Variants in RAB1A observed in about 807,000 individuals in gnomAD.
RAB1A encodes the protein ras-related protein Rab-1A.
In RAB1A, 2 loss-of-function variants were observed where a neutral mutation model predicts 26.0. The observed-to-expected ratio is 0.08, with a 90% CI of 0.03 to 0.24. RAB1A has a LOEUF of 0.24. Among genes scored for constraint, RAB1A ranks in the 10% least tolerant of loss-of-function variants. RAB1A has a pLI of 1.00. For missense variants in RAB1A, 100 were observed against 247.0 expected, an observed-to-expected ratio of 0.40 and a Z score of 3.99; for synonymous variants, 84 against 84.9, an observed-to-expected ratio of 0.99 and a Z score of 0.06.
rs189015607 is a variant in RAB1A at position 65,098,908 on chromosome 2, T to A, written c.97-842A>T. 5.1e-3 allele frequency among the ~76,000 whole-genome samples: 765 copies of A among 148,636 alleles called. 9 individuals carry two copies. The highest frequency in any genetic ancestry group is 0.018 in the African/African-American group (718 of 40,320). On this transcript the variant is annotated intron_variant, in intron 2 of 5. Coordinates refer to ENST00000409784, the MANE Select transcript of RAB1A (RefSeq NM_004161.5). ...TGGAGTGCAGTGTCATGATCTCAGC[T>A]CACTGCAACCTCTGTCTCCCGGGGT...
chr2:65,106,993 T>G (rs1669577886), intron 1 of RAB1A, among the ~76,000 whole-genome samples: 2 of 152,176 alleles, frequency 1.3e-5, no homozygotes, highest in African/African-American at 4.8e-5. Context: ...TCTCAAGTGA[T>G]CCACCCGCCT....
chr2:65,091,118 A>C (rs1454697394), intron 3 of RAB1A, 40 bp from the exon 4 acceptor site: 1 of 1,522,268 alleles, frequency 6.6e-7, no homozygotes, highest in Non-Finnish European at 9.1e-7. Context: ...AATTCCATTA[A>C]AATAAAGTTG....
At chr2:65,109,737 A>T (rs1366014144) in intron 1 of RAB1A, among the ~76,000 whole-genome samples, 1 of 152,058 alleles carries the variant, frequency 6.6e-6, no homozygotes, top group Admixed American at 6.6e-5. Context: ...AAGGAAAAAA[A>T]AGAAACCTAT....
At chr2:65,122,974 CA>C (rs751246247) in intron 1 of RAB1A, among the ~76,000 whole-genome samples, 1,983 of 34,620 alleles carry the variant, frequency 0.057, 10 homozygotes, top group African/African-American at 0.13. Context: ...CCGTCTCAGA[CA>C]AAAAAAAAAA....
chr2:65,111,277 A>G (rs1301714210), intron 1 of RAB1A, among the ~76,000 whole-genome samples: 1 of 151,832 alleles, frequency 6.6e-6, no homozygotes, highest in Non-Finnish European at 1.5e-5. Flanking sequence ...CAGGACAGTC[A>G]CTTGAACCCC....
intron 3 of RAB1A, among the ~76,000 whole-genome samples, chr2:65,096,476 G>A (rs910976425): frequency 6.6e-6 from 1 of 152,186 alleles, no homozygotes; most frequent in South Asian, 2.1e-4. Flanking sequence ...TTTCACACAC[G>A]AATACACACC....
At chr2:65,097,141 A>G (rs1669307817) in intron 3 of RAB1A, among the ~76,000 whole-genome samples, 1 of 152,206 alleles carries the variant, frequency 6.6e-6, no homozygotes, top group Non-Finnish European at 1.5e-5. Flanking sequence ...GTTCCATGAA[A>G]AGGGGCAGTC....
intron 1 of RAB1A, chr2:65,106,316 T>C (rs901592428): frequency 6.4e-5 from 18 of 280,816 alleles, no homozygotes; most frequent in Admixed American, 4.3e-4. Context: ...CCTTTTTGAT[T>C]TACTTTCAAA....
chr2:65,127,461 GT>G (rs61056393), intron 1 of RAB1A, among the ~76,000 whole-genome samples: 7,099 of 152,288 alleles, frequency 0.047, 536 homozygotes, highest in African/African-American at 0.16. Context: ...GCCGGGCGCG[GT>G]GGCTCACGCC....
chr2:65,124,026 C>T lies in RAB1A; in HGVS notation c.23+5867G>A, dbSNP rs148694501. Among the ~76,000 whole-genome samples, 293 of 152,212 alleles carry T rather than the reference C, an allele frequency of 1.9e-3. 2 individuals are homozygous for T. The highest frequency in any genetic ancestry group is 6.8e-3 in the African/African-American group (281 of 41,524). On this transcript the variant is annotated intron_variant, in intron 1 of 5. Coordinates refer to ENST00000409784, the MANE Select transcript of RAB1A (RefSeq NM_004161.5). ...TTTTTGAGACAGAATCTCACTCTGTCACCCAGGCTGGAGTGCAGTGGCCAA... is the reference window on the plus strand; with the variant it reads ...TTTTTGAGACAGAATCTCACTCTGTTACCCAGGCTGGAGTGCAGTGGCCAA...
Position 65,088,557 on chromosome 2 carries a change from G to A in RAB1A, c.554C>T (p.Ala185Val), listed in dbSNP as rs200968796. ...RMGPGATAGG[A>V]EKSNVKIQST... is the part of the protein sequence containing the mutation. ...CTGAATTTTAACATTGGACTTCTCA[G>A]CACCACCAGCTGTTGCTCCGGGACC... The change falls in exon 6 of 6, where the codon GCT becomes GTT. Residue 185 changes from alanine to valine, a missense_variant. Transcript: ENST00000409784. 1.8e-4 allele frequency: 292 copies of A among 1,613,520 alleles called. No homozygotes were observed. The highest frequency in any genetic ancestry group is 2.2e-4 in the Non-Finnish European group (255 of 1,179,800).
At chr2:65,120,408 A>T (rs990450977) in intron 1 of RAB1A, among the ~76,000 whole-genome samples, 1 of 148,296 alleles carries the variant, frequency 6.7e-6, no homozygotes, top group Non-Finnish European at 1.5e-5. Context: ...GTGAGCCAAG[A>T]TCACACCACT....
chr2:65,120,913 G>A (rs1011940012), intron 1 of RAB1A, among the ~76,000 whole-genome samples: 2 of 152,110 alleles, frequency 1.3e-5, no homozygotes, highest in Non-Finnish European at 2.9e-5. Flanking sequence ...GAGTTTCACT[G>A]TTGAAGATCA....
intron 2 of RAB1A, among the ~76,000 whole-genome samples, chr2:65,098,942 T>C (rs1669355631): frequency 6.9e-6 from 1 of 144,576 alleles, no homozygotes; most frequent in South Asian, 2.3e-4. Flanking sequence ...GTCCAAGCAA[T>C]CCTCATGACT....
rs138816103 is a variant in RAB1A at position 65,104,146 on chromosome 2, A to G, written c.96+588T>C. Among the ~76,000 whole-genome samples, 719 of 152,346 alleles carry G rather than the reference A, an allele frequency of 4.7e-3. 2 individuals are homozygous for G. Among genetic ancestry groups the G allele is most frequent in the Non-Finnish European group, 7.1e-3 (481 of 68,040 alleles). ...GGACACTGTGGATTCTGTTAAGTCA[A>G]AAGTCCTTTATCTGTCAGCTTCAGC... On this transcript the variant is annotated intron_variant, in intron 2 of 5. Coordinates refer to ENST00000409784, the MANE Select transcript of RAB1A (RefSeq NM_004161.5).
At chr2:65,110,468 A>T (rs1230148704) in intron 1 of RAB1A, among the ~76,000 whole-genome samples, 1 of 151,600 alleles carries the variant, frequency 6.6e-6, no homozygotes, top group African/African-American at 2.4e-5. Flanking sequence ...GCCAAGCCAG[A>T]ACAATTTGAG....
At chr2:65,094,927 A>C (rs1272747964) in intron 3 of RAB1A, among the ~76,000 whole-genome samples, 1 of 152,236 alleles carries the variant, frequency 6.6e-6, no homozygotes, top group Admixed American at 6.5e-5. Context: ...GATCAATCTG[A>C]AGGGCAGGCT....
chr2:65,114,865 A>C (rs2080344), intron 1 of RAB1A, among the ~76,000 whole-genome samples: 3,058 of 14,378 alleles, frequency 0.21, 99 homozygotes, highest in East Asian at 0.5. Context: ...AAAAAAAAAC[A>C]AAAAAAAAAC....
intron 1 of RAB1A, among the ~76,000 whole-genome samples, chr2:65,119,022 C>T (rs1379724432): frequency 6.6e-6 from 1 of 151,374 alleles, no homozygotes; most frequent in Non-Finnish European, 1.5e-5. Flanking sequence ...AACCCAGTCT[C>T]TACAAAAAAA....
Sources: gnomAD v4.1 joint callset for allele counts (sites outside exome capture counted in the v4.1 genomes callset) on GRCh38, gnomAD v4.1.1 for gene constraint, MANE v1.5 for transcripts, NCBI Gene and HGNC (gene_info 2026-07-23, HGNC 2026-07-21) for gene names.